PPP2R2D: variants seen among roughly 807,000 people sequenced by gnomAD.
PPP2R2D encodes the protein protein phosphatase 2 regulatory subunit Bdelta.
A neutral mutation model predicts 31.1 loss-of-function variants in PPP2R2D; 9 were observed. The observed-to-expected ratio is 0.29, with a 90% CI of 0.17 to 0.51. The LOEUF (loss-of-function observed/expected upper bound fraction) is 0.51. PPP2R2D is among the 20% of genes least tolerant of loss of function. PPP2R2D has a pLI of 0.98. For synonymous variants in PPP2R2D, 179 were observed against 172.6 expected (o/e 1.04, Z -0.29); for missense variants, 391 against 465.6 (o/e 0.84, Z 1.48).
chr10:131,931,639 C>T (rs550986373), intron 2 of PPP2R2D, among the ~76,000 whole-genome samples: 17 of 152,358 alleles, frequency 1.1e-4, no homozygotes, highest in African/African-American at 3.8e-4. Flanking sequence ...TGAGCCACTG[C>T]GCCTGGCCCC....
chr10:131,934,857 C>T (rs1040195487), intron 3 of PPP2R2D: 9 of 480,592 alleles, frequency 1.9e-5, no homozygotes, highest in Middle Eastern at 3.1e-4. Context: ...AGAACTCACG[C>T]GGCTCTCTCT....
At chr10:131,962,361 A>G (rs1554901585), downstream of PPP2R2D, among the ~76,000 whole-genome samples, 1 of 152,228 alleles carries the variant, frequency 6.6e-6, no homozygotes, top group South Asian at 2.1e-4. Context: ...CACTCACCAG[A>G]TGCAGATTGC....
At chr10:131,932,656 A>AAAAAAAAAAAAAAAAAC (rs2036259757) in intron 2 of PPP2R2D, among the ~76,000 whole-genome samples, 2 of 149,018 alleles carry the variant, frequency 1.3e-5, no homozygotes, top group African/African-American at 2.5e-5. Flanking sequence ...CAAAAAAAAA[A>AAAAAAAAAAAAAAAAAC]AAAAAAAAAA....
Position 131,945,672 on chromosome 10 carries a change from C to T in PPP2R2D, c.820+213C>T, listed in dbSNP as rs1417256069. On this transcript the variant is annotated intron_variant, in intron 7 of 8. Transcript: ENST00000455566. The surrounding 1 kb of genome is among the most constrained non-coding windows in gnomAD (Gnocchi z 4.8). Reference sequence around the variant, plus strand: ...ACAGGGTTTCACCATGTTGACCAGACTGGTCTGACCTCAGGTGATCCCCCT... The same window carrying T: ...ACAGGGTTTCACCATGTTGACCAGATTGGTCTGACCTCAGGTGATCCCCCT... The T allele has an allele frequency of 3.5e-6, 2 of 567,216 alleles. No individual in the cohort carries two copies. The highest frequency in any genetic ancestry group is 3.0e-6 in the Non-Finnish European group (1 of 327,940). The allele number at this position is 567,216 out of a possible 1,614,324, so 35.1% of individuals were successfully genotyped here.
rs1554897811 is a variant in PPP2R2D, at chr10:131,945,301, T to A, written c.662T>A (p.Val221Glu). ...LEITDRSFNI[V>E]DIKPANMEEL... The stretch of plus-strand genomic sequence containing the variant: ...CTTAACCATGCACTCCCAGACATCG[T>A]GGACATCAAGCCTGCTAACATGGAG... Residue 221 changes from valine (V) to glutamate (E), a missense_variant, in exon 7 of 9, where the codon GTG becomes GAG. Coordinates refer to ENST00000455566, the MANE Select transcript of PPP2R2D (RefSeq NM_018461.5). This position sits in a 1 kb window ranked among gnomAD's most constrained non-coding sequence, Gnocchi z 4.8. 6.2e-7 allele frequency: 1 copy of A among 1,613,464 alleles called. No homozygotes were observed. Among genetic ancestry groups the A allele is most frequent in the Admixed American group, 1.7e-5 (1 of 59,974 alleles).
At chr10:131,941,728 G>A (rs2036445566) in intron 5 of PPP2R2D, among the ~76,000 whole-genome samples, 1 of 152,200 alleles carries the variant, frequency 6.6e-6, no homozygotes, top group African/African-American at 2.4e-5. Flanking sequence ...ATGTGCCTCT[G>A]GGAGTGATGT....
intron 8 of PPP2R2D, among the ~76,000 whole-genome samples, chr10:131,954,494 A>G (rs2036754930): frequency 6.6e-6 from 1 of 152,224 alleles, no homozygotes; most frequent in Admixed American, 6.5e-5. Flanking sequence ...GACCACGTGC[A>G]CAGCTTGGCA....
intron 5 of PPP2R2D, among the ~76,000 whole-genome samples, chr10:131,942,752 A>C (rs2036463272): frequency 6.6e-6 from 1 of 152,234 alleles, no homozygotes; most frequent in South Asian, 2.1e-4. Flanking sequence ...TTTTCAATAA[A>C]AGAAGGAATC....
At position 131,945,321 on chromosome 10, in the gene PPP2R2D, A is replaced by T. The variant is rs782302750; in HGVS notation, c.682A>T (p.Met228Leu). 6.2e-7 allele frequency: 1 copy of T among 1,614,124 alleles called. No individual in the cohort carries two copies. Among genetic ancestry groups the T allele is most frequent in the Non-Finnish European group, 8.5e-7 (1 of 1,179,982 alleles). ...FNIVDIKPAN[M>L]EELTEVITAA... ...CATCGTGGACATCAAGCCTGCTAAC[A>T]TGGAGGAGCTGACCGAAGTCATCAC... Residue 228 changes from methionine to leucine, a missense_variant, in exon 7 of 9, where the codon ATG (methionine) becomes TTG (leucine). Coordinates refer to ENST00000455566, the MANE Select transcript of PPP2R2D (RefSeq NM_018461.5). This position sits in a 1 kb window ranked among gnomAD's most constrained non-coding sequence, Gnocchi z 4.8.
At position 131,947,411 on chromosome 10, in the gene PPP2R2D, G is replaced by C; in HGVS notation, c.821-119G>C. 9.8e-7 allele frequency: 1 copy of C among 1,017,886 alleles called. No individual in the cohort carries two copies. Among genetic ancestry groups the C allele is most frequent in the Non-Finnish European group, 1.4e-6 (1 of 710,922 alleles). The allele number at this position is 1,017,886 out of a possible 1,614,324, so 63.1% of individuals were successfully genotyped here. A position where few individuals can be genotyped will look rare whatever the true frequency, so the allele number is the denominator to read the frequency against. ...AGAATCAGAAAGATCAGAAGACCTAGTGTTGAGGCCAAGCCCTTCCAGAGT... is the reference window on the plus strand; with the variant it reads ...AGAATCAGAAAGATCAGAAGACCTACTGTTGAGGCCAAGCCCTTCCAGAGT... On this transcript the variant is annotated intron_variant, in intron 7 of 8. Coordinates refer to ENST00000455566, the MANE Select transcript of PPP2R2D (RefSeq NM_018461.5). This position sits in a 1 kb window ranked among gnomAD's most constrained non-coding sequence, Gnocchi z 4.3.
At chr10:131,965,578 C>T in the PPP2R2D span, among the ~76,000 whole-genome samples, 1 of 152,206 alleles carries the variant, frequency 6.6e-6, no homozygotes, top group Non-Finnish European at 1.5e-5. Context: ...TCCCAAGTAG[C>T]TGGGACTACA....
Position 131,940,698 on chromosome 10 carries a change from C to T in PPP2R2D, c.477+4C>T, listed in dbSNP as rs148713648. The T allele has an allele frequency of 4.7e-3, 3,599 of 771,214 alleles. 24 individuals carry two copies. The highest frequency in any genetic ancestry group is 0.014 in the Middle Eastern group (61 of 4,430). 47.8% of individuals were successfully genotyped at this position (771,214 alleles called of 1,614,324 possible). A position where few individuals can be genotyped will look rare whatever the true frequency, so the allele number is the denominator to read the frequency against. On this transcript the variant is annotated splice_donor_region_variant and intron_variant, in intron 5 of 8. Transcript: ENST00000455566. The stretch of plus-strand genomic sequence containing the variant: ...ATTTAGGATCACGGCGCTACGGGTA[C>T]ACGTTGCCTTTGCTTTATCCAATGC...
At chr10:131,962,177 G>T (rs2036928809), downstream of PPP2R2D, among the ~76,000 whole-genome samples, 1 of 152,222 alleles carries the variant, frequency 6.6e-6, no homozygotes. Context: ...GCCCGGTGAT[G>T]ACACCAAATC....
downstream of PPP2R2D, among the ~76,000 whole-genome samples, chr10:131,961,918 A>C (rs1380278022): frequency 3.3e-5 from 5 of 151,864 alleles, no homozygotes; most frequent in East Asian, 9.7e-4. Flanking sequence ...CCTCCGCCTG[A>C]GTTCCTGCAC....
intron 2 of PPP2R2D, among the ~76,000 whole-genome samples, chr10:131,918,955 G>C (rs1219775312): frequency 6.9e-6 from 1 of 145,420 alleles, no homozygotes; most frequent in East Asian, 2.3e-4. Context: ...ACAGTGTAGG[G>C]ACCTCAGGCG....
At chr10:131,961,692 G>A (rs7921305), downstream of PPP2R2D, among the ~76,000 whole-genome samples, 38,554 of 152,082 alleles carry the variant, frequency 0.25, 5,012 homozygotes, top group African/African-American at 0.3. Flanking sequence ...TGCCGTCCTG[G>A]GCCGGGCCTC....
At chr10:131,920,438 T>G (rs1554894071) in intron 2 of PPP2R2D, among the ~76,000 whole-genome samples, 1 of 151,718 alleles carries the variant, frequency 6.6e-6, no homozygotes, top group East Asian at 1.9e-4. Flanking sequence ...GACACAGTGT[T>G]TGTGGGGACC....
At position 131,933,617 on chromosome 10, in the gene PPP2R2D, G is replaced by A. The variant is rs185431798; in HGVS notation, c.101-841G>A. 3.5e-3 allele frequency among the ~76,000 whole-genome samples: 527 copies of A among 152,266 alleles called. 2 individuals are homozygous for A. The highest frequency in any genetic ancestry group is 0.01 in the Middle Eastern group (3 of 294). ...TCCGCACGCGACACAGCAGCACTGCGGAGAAGCCAGCCTCCTCCAGAGTCT... is the reference window on the plus strand; with the variant it reads ...TCCGCACGCGACACAGCAGCACTGCAGAGAAGCCAGCCTCCTCCAGAGTCT... On this transcript the variant is annotated intron_variant, in intron 2 of 8. Transcript: ENST00000455566.
chr10:131,922,197 G>C (rs762353182), intron 2 of PPP2R2D, among the ~76,000 whole-genome samples: 1 of 152,170 alleles, frequency 6.6e-6, no homozygotes, highest in Non-Finnish European at 1.5e-5. Context: ...CACAATAAAA[G>C]ATTGACCGTT....
Sources: allele counts gnomAD v4.1 joint callset (sites outside exome capture counted in the v4.1 genomes callset), GRCh38; gene constraint gnomAD v4.1.1; non-coding constraint Gnocchi (gnomAD v3.1); transcripts MANE v1.5; gene names NCBI Gene and HGNC (gene_info 2026-07-23, HGNC 2026-07-21).